The following OSBPL9 variants were observed in gnomAD, a reference collection of about 807,000 sequenced individuals.
The protein encoded by OSBPL9 is oxysterol-binding protein-related protein 9.
A neutral mutation model predicts 106.6 loss-of-function variants in OSBPL9; 40 were observed. That is an observed-to-expected ratio of 0.38 (90% CI 0.29 to 0.49). The LOEUF is 0.49. Ranked by LOEUF, OSBPL9 falls within the 20% of genes least tolerant of loss-of-function variation. OSBPL9 has a pLI of 0.97. For synonymous variants in OSBPL9, 269 were observed against 295.4 expected, an observed-to-expected ratio of 0.91 and a Z score of 0.92; for missense variants, 609 against 887.2, an observed-to-expected ratio of 0.69 and a Z score of 3.98.
intron 1 of OSBPL9, among the ~76,000 whole-genome samples, chr1:51,631,761 C>T (rs548036469): frequency 4.7e-4 from 72 of 152,246 alleles, no homozygotes; most frequent in African/African-American, 1.7e-3. Flanking sequence ...AAATGTCTCC[C>T]AAAGTTAGCT....
chr1:51,529,967 C>T, the OSBPL9 span, among the ~76,000 whole-genome samples: 1 of 151,062 alleles, frequency 6.6e-6, no homozygotes, highest in Non-Finnish European at 1.5e-5. Context: ...GTCAGGAGAT[C>T]GAGACCATCC....
chr1:51,751,750 A>G (rs1315447703), intron 8 of OSBPL9, among the ~76,000 whole-genome samples: 1 of 152,170 alleles, frequency 6.6e-6, no homozygotes, highest in African/African-American at 2.4e-5. Context: ...ATCTCTGAAA[A>G]TCATTCAGGA....
intron 2 of OSBPL9, among the ~76,000 whole-genome samples, chr1:51,656,252 A>T (rs1364526395): frequency 6.6e-6 from 1 of 152,180 alleles, no homozygotes; most frequent in African/African-American, 2.4e-5. Flanking sequence ...CTTAGCAATT[A>T]TGTATGTATA....
At chr1:51,677,039 G>A (rs887738030) in intron 3 of OSBPL9, among the ~76,000 whole-genome samples, 2 of 152,238 alleles carry the variant, frequency 1.3e-5, no homozygotes, top group Non-Finnish European at 2.9e-5. Flanking sequence ...GAGTAACTGA[G>A]TTTCAGAGAA....
chr1:51,648,813 A>G (rs1646328038), intron 1 of OSBPL9, among the ~76,000 whole-genome samples: 1 of 152,204 alleles, frequency 6.6e-6, no homozygotes, highest in African/African-American at 2.4e-5. Context: ...AAAGGCTTGT[A>G]AGGTTTACTG....
chr1:51,654,142 A>T (rs2148712077), intron 2 of OSBPL9, among the ~76,000 whole-genome samples: 1 of 152,300 alleles, frequency 6.6e-6, no homozygotes, highest in South Asian at 2.1e-4. Flanking sequence ...GCAAATTGGC[A>T]GCTGGATCCA....
At chr1:51,575,528 T>C (rs1645178352), upstream of OSBPL9, among the ~76,000 whole-genome samples, 1 of 152,032 alleles carries the variant, frequency 6.6e-6, no homozygotes, top group Non-Finnish European at 1.5e-5. Flanking sequence ...CCTAGGTTTA[T>C]TACCTTATCT....
the OSBPL9 span, among the ~76,000 whole-genome samples, chr1:51,550,799 CCA>C: frequency 4.6e-5 from 7 of 152,288 alleles, no homozygotes; most frequent in Non-Finnish European, 1.0e-4. Context: ...CAGGCAAGAG[CCA>C]CTGTGCCTGG....
chr1:51,574,919 A>G (rs1645174333), upstream of OSBPL9, among the ~76,000 whole-genome samples: 1 of 152,206 alleles, frequency 6.6e-6, no homozygotes, highest in South Asian at 2.1e-4. Flanking sequence ...TGTAGTTTCA[A>G]GGAGATGCTG....
At chr1:51,714,126 T>G in intron 4 of OSBPL9, 47 bp downstream of exon 4, 1 of 1,409,372 alleles carries the variant, frequency 7.1e-7, no homozygotes, top group Non-Finnish European at 9.7e-7. Context: ...GTTGTTGCTT[T>G]CTTTTTTTGT....
rs1484196278 is a variant in OSBPL9, at chr1:51,589,112, A to T, written c.-422-9012A>T. Among the ~76,000 whole-genome samples the T allele has an allele frequency of 1.3e-5, 2 of 151,452 alleles. 1 individual carries two copies. Among genetic ancestry groups the T allele is most frequent in the South Asian group, 4.2e-4 (2 of 4,788 alleles). ...TTTCTTTTCTTTTTTTTTTTAAGAC[A>T]GGGTCTCCCTCTGTCACCCAGGCTG... On this transcript the variant is annotated intron_variant, in intron 1 of 25. Transcript: ENST00000371714.
chr1:51,624,432 A>G (rs1198410513), intron 1 of OSBPL9, among the ~76,000 whole-genome samples: 2 of 151,976 alleles, frequency 1.3e-5, no homozygotes, highest in Non-Finnish European at 2.9e-5. Context: ...TACTAAAAAT[A>G]CAAAAATTAG....
chr1:51,729,715 C>A lies in OSBPL9; in HGVS notation c.318+15636C>A. ...CCTCTCACCTCCTACAGCAGGTGAC[C>A]CATGGCCAATCGCCAGGGGTCTCTT... On this transcript the variant is annotated intron_variant, in intron 4 of 23. Transcript: ENST00000428468. This position sits in a 1 kb window ranked among gnomAD's most constrained non-coding sequence, Gnocchi z 5.1. 1.3e-6 allele frequency: 1 copy of A among 779,252 alleles called. No homozygotes were observed. The highest frequency in any genetic ancestry group is 1.7e-6 in the Non-Finnish European group (1 of 577,438). The allele number at this position is 779,252 out of a possible 1,614,324, so 48.3% of individuals were successfully genotyped here. A position where few individuals can be genotyped will look rare whatever the true frequency, so the allele number is the denominator to read the frequency against.
chr1:51,743,162 A>G (rs1025315278), intron 4 of OSBPL9, among the ~76,000 whole-genome samples: 1 of 152,214 alleles, frequency 6.6e-6, no homozygotes, highest in African/African-American at 2.4e-5. Flanking sequence ...AAATTTTTGC[A>G]TTACTATGCA....
intron 14 of OSBPL9, among the ~76,000 whole-genome samples, chr1:51,776,326 C>T (rs1300411904): frequency 6.6e-6 from 1 of 152,182 alleles, no homozygotes; most frequent in Non-Finnish European, 1.5e-5. Flanking sequence ...AGAAAGTGCA[C>T]ACACGCCCCA....
At chr1:51,711,489 G>T (rs868191960) in intron 3 of OSBPL9, among the ~76,000 whole-genome samples, 1 of 132,522 alleles carries the variant, frequency 7.5e-6, no homozygotes, top group Non-Finnish European at 1.6e-5. Flanking sequence ...CCTCCCGGAC[G>T]GGGCGGCTGG....
chr1:51,788,028 AGAT>A lies in OSBPL9; in HGVS notation c.*244_*246del. On this transcript the variant is annotated 3_prime_UTR_variant, in exon 24 of 24. Coordinates refer to ENST00000428468, the MANE Select transcript of OSBPL9 (RefSeq NM_024586.6). ...AGAAAAACTTCAGGTTTTGAAAATC[AGAT>A]GATGTCTTCTCCTTTTCCAAACACC... 4.0e-6 allele frequency: 2 copies of A among 502,388 alleles called. No homozygotes were observed. Among genetic ancestry groups the A allele is most frequent in the Non-Finnish European group, 7.1e-6 (2 of 282,072 alleles). 31.1% of individuals were successfully genotyped at this position (502,388 alleles called of 1,614,324 possible). A position where few individuals can be genotyped will look rare whatever the true frequency, so the allele number is the denominator to read the frequency against.
intron 4 of OSBPL9, chr1:51,730,002 G>T: frequency 7.6e-7 from 1 of 1,316,010 alleles, no homozygotes; most frequent in Non-Finnish European, 9.8e-7. Flanking sequence ...CACTTGCGGA[G>T]TGAGTAGACC....
At chr1:51,521,977 G>A in the OSBPL9 span, among the ~76,000 whole-genome samples, 4 of 151,738 alleles carry the variant, frequency 2.6e-5, no homozygotes, top group Non-Finnish European at 2.9e-5. Context: ...GGCTGGTCTC[G>A]AACTCCTGAC....
Sources: gnomAD v4.1 joint callset for allele counts (sites outside exome capture counted in the v4.1 genomes callset) on GRCh38, gnomAD v4.1.1 for gene constraint, Gnocchi (gnomAD v3.1) non-coding constraint, MANE v1.5 for transcripts, NCBI Gene and HGNC (gene_info 2026-07-23, HGNC 2026-07-21) for gene names.